Variants in RBBP4 observed in about 807,000 individuals in gnomAD.
RBBP4 encodes the protein histone-binding protein RBBP4.
Under a neutral mutation model 57.2 loss-of-function variants are expected in RBBP4, and 3 were observed. The ratio of observed to expected loss-of-function variants is 0.05; its 90% confidence interval spans 0.02 to 0.14. The LOEUF is 0.14. RBBP4 is among the 10% of genes least tolerant of loss of function. The pLI is 1.00. For missense variants in RBBP4, 107 were observed against 520.6 expected (o/e 0.21, Z 7.73); for synonymous variants, 151 against 171.5 (o/e 0.88, Z 0.93).
At position 32,679,657 on chromosome 1, in the gene RBBP4, T is replaced by C. The variant is rs1169608751; in HGVS notation, c.1230T>C (p.Asn410=). Residue 410 remains asparagine (N), a synonymous_variant, in exon 12 of 12, where the codon AAT becomes AAC. Transcript: ENST00000373493. The stretch of plus-strand genomic sequence containing the variant: ...TTGGGCAGGCAGAGAACATTTATAA[T>C]GATGAAGACCCTGAAGGAAGCGTGG... ...QVWQMAENIY[N]DEDPEGSVDP... 3 of 1,586,786 alleles carry C rather than the reference T, an allele frequency of 1.9e-6. No individual in the cohort carries two copies. The highest frequency in any genetic ancestry group is 2.3e-5 in the East Asian group (1 of 44,094).
intron 3 of RBBP4, among the ~76,000 whole-genome samples, chr1:32,659,649 C>G (rs1376878098): frequency 6.6e-6 from 1 of 152,070 alleles, no homozygotes; most frequent in Non-Finnish European, 1.5e-5. Flanking sequence ...AGGATTTATC[C>G]TGTGTATTGG....
chr1:32,672,512 T>C lies in RBBP4; in HGVS notation c.1029T>C (p.Asn343=), dbSNP rs970452511. ...CCAGTGGTACTGATCGCAGACTGAATGTCTGGGATTTAAGGTAATTCTTGT... is the reference window on the plus strand; with the variant it reads ...CCAGTGGTACTGATCGCAGACTGAACGTCTGGGATTTAAGGTAATTCTTGT... ...LASSGTDRRL[N]VWDLSKIGEE... The change falls in exon 9 of 12, where the codon AAT becomes AAC. Residue 343 remains asparagine, a synonymous_variant. Coordinates refer to ENST00000373493, the MANE Select transcript of RBBP4 (RefSeq NM_005610.3). The C allele has an allele frequency of 6.2e-7, 1 of 1,609,054 alleles. No homozygotes were observed. The highest frequency in any genetic ancestry group is 8.5e-7 in the Non-Finnish European group (1 of 1,175,452).
Position 32,651,223 on chromosome 1 carries a change from C to T in RBBP4, c.-84C>T, listed in dbSNP as rs1387774153. ...TGGGGGCGCAGGAAACAATAGAGGC[C>T]GCGCGCACAGAGCGAGCTCTTGCAG... is the stretch of plus-strand genomic sequence containing the variant. On this transcript the variant is annotated 5_prime_UTR_variant, in exon 1 of 12. Transcript: ENST00000373493. The T allele has an allele frequency of 2.0e-6, 3 of 1,499,546 alleles. No homozygotes were observed. Among genetic ancestry groups the T allele is most frequent in the Middle Eastern group, 2.4e-4 (1 of 4,240 alleles). 92.9% of individuals were successfully genotyped at this position (1,499,546 alleles called of 1,614,324 possible). A position where few individuals can be genotyped will look rare whatever the true frequency, so the allele number is the denominator to read the frequency against.
At chr1:32,656,201 C>T (rs1437192574) in intron 2 of RBBP4, among the ~76,000 whole-genome samples, 8 of 151,840 alleles carry the variant, frequency 5.3e-5, no homozygotes, top group Admixed American at 3.3e-4. Flanking sequence ...TTATTTTTTT[C>T]TTTTTTGAGA....
At chr1:32,656,922 G>T (rs1438483872) in intron 2 of RBBP4, among the ~76,000 whole-genome samples, 1 of 152,134 alleles carries the variant, frequency 6.6e-6, no homozygotes, top group Non-Finnish European at 1.5e-5. Flanking sequence ...TGAGTGAGTA[G>T]TTAATTCACA....
intron 3 of RBBP4, among the ~76,000 whole-genome samples, chr1:32,667,905 G>A (rs893776182): frequency 6.6e-6 from 1 of 152,114 alleles, no homozygotes; most frequent in Non-Finnish European, 1.5e-5. Flanking sequence ...ATTGTTCGGG[G>A]ATAATGATGA....
intron 2 of RBBP4, among the ~76,000 whole-genome samples, chr1:32,653,426 G>C (rs1258121644): frequency 6.6e-6 from 1 of 152,040 alleles, no homozygotes. Flanking sequence ...TAAAAGTTAA[G>C]ATAATTGCAA....
At chr1:32,671,367 G>C (rs1014445061) in intron 8 of RBBP4, among the ~76,000 whole-genome samples, 6 of 152,184 alleles carry the variant, frequency 3.9e-5, no homozygotes, top group Admixed American at 6.5e-5. Context: ...GGTGGATCAT[G>C]AGGTCAGGAG....
At chr1:32,653,953 C>T (rs571052823) in intron 2 of RBBP4, among the ~76,000 whole-genome samples, 2 of 152,046 alleles carry the variant, frequency 1.3e-5, no homozygotes, top group African/African-American at 4.8e-5. Flanking sequence ...CCACCGCGCC[C>T]GGCCTAGAAG....
intron 3 of RBBP4, among the ~76,000 whole-genome samples, chr1:32,659,945 A>G (rs557433453): frequency 6.4e-4 from 97 of 152,336 alleles, no homozygotes; most frequent in Middle Eastern, 3.4e-3. Context: ...GTTTTTTAAT[A>G]TAATTGATAC....
intron 3 of RBBP4, 128 bp from the exon 4 acceptor site, chr1:32,668,097 A>G: frequency 1.2e-6 from 1 of 822,428 alleles, no homozygotes. Flanking sequence ...TAGCAAATGT[A>G]TAGATTACAT....
At chr1:32,651,587 C>G in intron 1 of RBBP4, 4 of 991,406 alleles carry the variant, frequency 4.0e-6, no homozygotes, top group East Asian at 3.0e-5. Context: ...TTCTCGGCCT[C>G]TGTCCCGAGC....
intron 1 of RBBP4, chr1:32,651,605 C>CA (rs1333734349): frequency 1.1e-6 from 1 of 884,794 alleles, no homozygotes; most frequent in East Asian, 3.0e-5. Context: ...AGCGTGGGGA[C>CA]ACCGCTTCCT....
rs528319746 is a variant in RBBP4 at position 32,665,449 on chromosome 1, G to A, written c.311-2776G>A. ...TCCCAGCACTTTGGGAGGCTGAAGCGGGTAGATTATCTGATGTCAGGAGTT... is the reference window on the plus strand; with the variant it reads ...TCCCAGCACTTTGGGAGGCTGAAGCAGGTAGATTATCTGATGTCAGGAGTT... On this transcript the variant is annotated intron_variant, in intron 3 of 11. Transcript: ENST00000373493. Among the ~76,000 whole-genome samples the A allele has an allele frequency of 7.2e-5, 11 of 152,224 alleles. No homozygotes were observed. In the East Asian group the frequency reaches 1.2e-3, roughly 16 times the overall value.
chr1:32,668,764 C>T lies in RBBP4; in HGVS notation c.510C>T (p.Asp170=), dbSNP rs1648756585. 2 of 1,613,178 alleles carry T rather than the reference C, an allele frequency of 1.2e-6. No homozygotes were observed. Among genetic ancestry groups the T allele is most frequent in the Non-Finnish European group, 1.7e-6 (2 of 1,180,002 alleles). Reference sequence around the variant, plus strand: ...ATCCTTCTGGAGAGTGCAACCCAGACTTGCGTCTCCGTGGACATCAGAAGG... The same window carrying T: ...ATCCTTCTGGAGAGTGCAACCCAGATTTGCGTCTCCGTGGACATCAGAAGG... The part of the protein sequence containing the change: ...KPDPSGECNP[D]LRLRGHQKEG... The change falls in exon 5 of 12, where the codon GAC becomes GAT. Residue 170 remains aspartate (D), a synonymous_variant. Transcript: ENST00000373493.
Position 32,657,520 on chromosome 1 carries a change from C to G in RBBP4, c.258C>G (p.Leu86=). 2 of 1,614,064 alleles carry G rather than the reference C, an allele frequency of 1.2e-6. No individual in the cohort carries two copies. Among genetic ancestry groups the G allele is most frequent in the Non-Finnish European group, 1.7e-6 (2 of 1,179,982 alleles). ...ATCTTGTTATAGCCAGTGTGCAGCTCCCTAATGATGATGCTCAGTTTGATG... is the reference window on the plus strand; with the variant it reads ...ATCTTGTTATAGCCAGTGTGCAGCTGCCTAATGATGATGCTCAGTTTGATG... The part of the protein sequence containing the change: ...QNHLVIASVQ[L]PNDDAQFDAS... Residue 86 remains leucine (L), a synonymous_variant, in exon 3 of 12, where the codon CTC becomes CTG. Coordinates refer to ENST00000373493, the MANE Select transcript of RBBP4 (RefSeq NM_005610.3).
At position 32,681,754 on chromosome 1, in the gene RBBP4, CTT is replaced by C; in HGVS notation, c.*2050_*2051del. 6.2e-7 allele frequency: 1 copy of C among 1,606,400 alleles called. No individual in the cohort carries two copies. Among genetic ancestry groups the C allele is most frequent in the Non-Finnish European group, 8.5e-7 (1 of 1,174,110 alleles). On this transcript the variant is annotated 3_prime_UTR_variant, in exon 12 of 12. Transcript: ENST00000373493. Reference sequence around the variant, plus strand: ...AATTGCTTGCCAAGTTTCTGGCACTCTTGTCTGGTTGGAAGAGTACATCCAAA... The same window carrying C: ...AATTGCTTGCCAAGTTTCTGGCACTCGTCTGGTTGGAAGAGTACATCCAAA...
chr1:32,667,509 C>T (rs916749618), intron 3 of RBBP4, among the ~76,000 whole-genome samples: 5 of 152,134 alleles, frequency 3.3e-5, no homozygotes, highest in Non-Finnish European at 2.9e-5. Flanking sequence ...GGGCCACTGC[C>T]GGTCTCTGCG....
At chr1:32,653,636 GGTTTTTTTTTTTTT>G (rs1647992153) in intron 2 of RBBP4, among the ~76,000 whole-genome samples, 1 of 15,248 alleles carries the variant, frequency 6.6e-5, no homozygotes, top group African/African-American at 9.2e-5. Context: ...TTTGTTTTCT[GGTTTTTTTTTTTTT>G]TTTTTTTTTG....
Sources: gnomAD v4.1 joint callset for allele counts (sites outside exome capture counted in the v4.1 genomes callset) on GRCh38, gnomAD v4.1.1 for gene constraint, MANE v1.5 for transcripts, NCBI Gene and HGNC (gene_info 2026-07-23, HGNC 2026-07-21) for gene names.